GYPB: variants seen among roughly 807,000 people sequenced by gnomAD.
GYPB encodes glycophorin-B.
Under a neutral mutation model 15.3 loss-of-function variants are expected in GYPB, and 13 were observed. The observed-to-expected ratio is 0.85, with a 90% CI of 0.55 to 1.35. The LOEUF is 1.35. Ranked by LOEUF, GYPB falls within the 40% of genes most tolerant of loss-of-function variation. GYPB has a pLI of 0.00. For synonymous variants in GYPB, 38 were observed against 36.9 expected (o/e 1.03, Z -0.11); for missense variants, 131 against 108.3 (o/e 1.21, Z -0.93).
chr4:144,010,700 G>A (rs1728171910), intron 1 of GYPB, among the ~76,000 whole-genome samples: 1 of 151,242 alleles, frequency 6.6e-6, no homozygotes, highest in South Asian at 2.1e-4. Context: ...AATAGCGTAT[G>A]ACATACCTGA....
chr4:144,017,705 C>A (rs973894862), intron 1 of GYPB, among the ~76,000 whole-genome samples: 3 of 151,332 alleles, frequency 2.0e-5, no homozygotes, highest in South Asian at 4.1e-4. Flanking sequence ...CTGGGCACAC[C>A]CCCAGTAGAG....
chr4:144,012,506 C>A (rs936318706), intron 1 of GYPB: 7 of 150,578 alleles, frequency 4.6e-5, no homozygotes, highest in Middle Eastern at 3.2e-3. Context: ...TATTAGGGAT[C>A]TAAATAGCCA....
downstream of GYPB, chr4:143,996,005 C>T (rs1368543697): frequency 1.8e-6 from 1 of 551,938 alleles, no homozygotes; most frequent in Admixed American, 3.8e-5. Context: ...CCGCTGTTGG[C>T]TTTGTTCAGA....
intron 1 of GYPB, among the ~76,000 whole-genome samples, chr4:144,006,688 A>C (rs1193112169): frequency 6.6e-6 from 1 of 151,946 alleles, no homozygotes; most frequent in Non-Finnish European, 1.5e-5. Flanking sequence ...GCATAAGCAA[A>C]CTCTTACAAG....
chr4:143,996,476 C>T (rs1302760565), intron 4 of GYPB, among the ~76,000 whole-genome samples, 172 bp from the exon 5 acceptor site: 1 of 151,058 alleles, frequency 6.6e-6, no homozygotes, highest in Non-Finnish European at 1.5e-5. Context: ...TATAAAAACC[C>T]TAATTAGGGC....
At chr4:144,004,313 C>A (rs77256029) in intron 1 of GYPB, among the ~76,000 whole-genome samples, 2 of 149,922 alleles carry the variant, frequency 1.3e-5, no homozygotes, top group Middle Eastern at 3.4e-3. Context: ...TTTCATAGTT[C>A]ATTTTTCTTC....
intron 1 of GYPB, among the ~76,000 whole-genome samples, chr4:144,011,125 A>T (rs1407678781): frequency 6.6e-6 from 1 of 150,592 alleles, no homozygotes; most frequent in Non-Finnish European, 1.5e-5. Flanking sequence ...TCATGCCTGT[A>T]ATCCCAACAT....
rs763654091 is a variant in GYPB, at chr4:144,002,586, G to T, written c.38-1303C>A. 1.2e-5 allele frequency: 16 copies of T among 1,285,690 alleles called. No homozygotes were observed. The East Asian group carries it at 2.2e-4, about 18-fold the overall frequency. 79.6% of individuals were successfully genotyped at this position (1,285,690 alleles called of 1,614,324 possible). A position where few individuals can be genotyped will look rare whatever the true frequency, so the allele number is the denominator to read the frequency against. On this transcript the variant is annotated intron_variant, in intron 1 of 4. Transcript: ENST00000502664. The stretch of plus-strand genomic sequence containing the variant: ...GTAGATGTACCTTTGCTCATCTCTT[G>T]GAGACATTCAAATGAGGGGAATGGC...
In GYPB at chr4:143,997,577, A is replaced by C. The variant is rs1357949143; in HGVS notation, c.233T>G (p.Ile78Ser). The change falls in exon 4 of 5, where the codon ATC (isoleucine) becomes AGC (serine). Residue 78 changes from isoleucine to serine, a missense_variant. Ile to Ser is a moderately radical substitution (Grantham distance 142, BLOSUM62 -2). Transcript: ENST00000502664. ...GCGAATACTGTAAGAAATTAAGAGG[A>C]TCGTTCCAATAATACCAGCCATCAC... ...LCVMAGIIGTILLISYSIRRL... is the reference protein window; with the variant it reads ...LCVMAGIIGTSLLISYSIRRL... The C allele has an allele frequency of 6.2e-7, 1 of 1,601,130 alleles. No homozygotes were observed. The highest frequency in any genetic ancestry group is 1.7e-5 in the Admixed American group (1 of 59,922).
Position 143,999,127 on chromosome 4 carries a change from C to G in GYPB, c.175+284G>C, listed in dbSNP as rs529933491. The stretch of plus-strand genomic sequence containing the variant: ...TTTGCCATATTGCCCAGGCTGTTCT[C>G]AAATTCCTGGGCTCAAGTGATTAGC... On this transcript the variant is annotated intron_variant, in intron 3 of 4. Transcript: ENST00000502664. 27 of 289,486 alleles carry G rather than the reference C, an allele frequency of 9.3e-5. 1 individual carries two copies. In the South Asian group the frequency reaches 1.2e-3, roughly 13 times the overall value. 17.9% of individuals were successfully genotyped at this position (289,486 alleles called of 1,614,324 possible). A position where few individuals can be genotyped will look rare whatever the true frequency, so the allele number is the denominator to read the frequency against.
At chr4:144,009,601 C>CTTTTTTTTTTTTTTTTTTT (rs55807150) in intron 1 of GYPB, among the ~76,000 whole-genome samples, 1 of 57,782 alleles carries the variant, frequency 1.7e-5, no homozygotes, top group Non-Finnish European at 2.8e-5. Flanking sequence ...TTTTTTCTTT[C>CTTTTTTTTTTTTTTTTTTT]TTTTTTTTTT....
intron 1 of GYPB, among the ~76,000 whole-genome samples, chr4:144,002,196 C>T (rs1227842798): frequency 6.6e-6 from 1 of 151,132 alleles, no homozygotes; most frequent in Non-Finnish European, 1.5e-5. Context: ...TTGGGAACTA[C>T]AAGAAAGCAC....
intron 1 of GYPB, among the ~76,000 whole-genome samples, chr4:144,004,641 G>C (rs1228314053): frequency 6.8e-6 from 1 of 147,574 alleles, no homozygotes; most frequent in Non-Finnish European, 1.5e-5. Flanking sequence ...AGAAACCAAA[G>C]AAACATCCTT....
In GYPB at chr4:144,010,012, T is replaced by A. The variant is rs1035777015; in HGVS notation, c.38-8729A>T. The stretch of plus-strand genomic sequence containing the variant: ...AGCCGTTCACAGGCTATAGTTTGCT[T>A]GGCCCCTGTATTAGCATAACTAGAA... On this transcript the variant is annotated intron_variant, in intron 1 of 4. Transcript: ENST00000502664. Among the ~76,000 whole-genome samples the A allele has an allele frequency of 2.0e-5, 3 of 151,390 alleles. 1 individual carries two copies. The highest frequency in any genetic ancestry group is 7.4e-5 in the African/African-American group (3 of 40,670).
intron 4 of GYPB, chr4:143,997,309 T>C: frequency 2.6e-6 from 1 of 390,484 alleles, no homozygotes; most frequent in South Asian, 3.2e-5. Flanking sequence ...AGGGAGATCT[T>C]TCATTGGGAA....
intron 4 of GYPB, among the ~76,000 whole-genome samples, chr4:143,996,789 ACT>A (rs1560702198): frequency 3.3e-5 from 5 of 150,238 alleles, no homozygotes; most frequent in African/African-American, 1.0e-4. Context: ...AATTTAAAAA[ACT>A]TTAATGATTC....
chr4:144,003,702 A>G (rs1727737803), intron 1 of GYPB, among the ~76,000 whole-genome samples: 1 of 151,536 alleles, frequency 6.6e-6, no homozygotes, highest in Admixed American at 6.6e-5. Flanking sequence ...TTAACACTCT[A>G]GCAAATAGGT....
chr4:144,013,662 C>T (rs1281957406), intron 1 of GYPB, among the ~76,000 whole-genome samples: 4 of 149,802 alleles, frequency 2.7e-5, no homozygotes, highest in Middle Eastern at 3.4e-3. Flanking sequence ...AGTAAACTAT[C>T]GCAAGAACAA....
chr4:144,004,810 A>G (rs1579055754), intron 1 of GYPB, among the ~76,000 whole-genome samples: 1 of 151,890 alleles, frequency 6.6e-6, no homozygotes, highest in South Asian at 2.1e-4. Context: ...CAGCTAATAG[A>G]CATCTGTGGA....
Sources: gnomAD v4.1 joint callset for allele counts (sites outside exome capture counted in the v4.1 genomes callset) on GRCh38, gnomAD v4.1.1 for gene constraint, MANE v1.5 for transcripts, NCBI Gene and HGNC (gene_info 2026-07-23, HGNC 2026-07-21) for gene names.